The following COL11A2 variants were observed in gnomAD, a reference collection of about 807,000 sequenced individuals.
The protein encoded by COL11A2 is collagen type XI alpha 2 chain.
In COL11A2, 116 loss-of-function variants were observed where a neutral mutation model predicts 273.4. The observed-to-expected ratio is 0.42, with a 90% CI of 0.36 to 0.49. The LOEUF (loss-of-function observed/expected upper bound fraction) is 0.49. Among genes scored for constraint, COL11A2 ranks in the 20% least tolerant of loss-of-function variants. COL11A2 has a pLI of 0.00. For missense variants in COL11A2, 1,866 were observed against 2,309.0 expected, an observed-to-expected ratio of 0.81 and a Z score of 3.93; for synonymous variants, 782 against 864.2, an observed-to-expected ratio of 0.90 and a Z score of 1.67.
In COL11A2 at chr6:33,164,284, A is replaced by G; in HGVS notation, c.5053T>C (p.Phe1685Leu). The stretch of plus-strand genomic sequence containing the variant: ...GTTCCCACCTGGCAGCCATCTCTGA[A>G]TTCTTTGACATAGGGGCTAGTCTCC... ...SPETSPYVKE[F>L]RDGCQTQQGR... is the part of the protein sequence containing the mutation. Residue 1685 changes from phenylalanine (F) to leucine (L), a missense_variant, in exon 65 of 66, where the codon TTC (phenylalanine) becomes CTC (leucine). By Grantham distance (22) the Phe-to-Leu change is conservative (BLOSUM62 0). Coordinates refer to ENST00000341947, the MANE Select transcript of COL11A2 (RefSeq NM_080680.3). The surrounding 1 kb of genome is among the most constrained non-coding windows in gnomAD (Gnocchi z 4.7). 6.2e-7 allele frequency: 1 copy of G among 1,612,860 alleles called. No homozygotes were observed. The highest frequency in any genetic ancestry group is 1.1e-5 in the South Asian group (1 of 91,070).
In COL11A2 at chr6:33,181,866, G is replaced by A. The variant is rs9500938; in HGVS notation, c.1120-696C>T. Among the ~76,000 whole-genome samples, 1,103 of 152,230 alleles carry A rather than the reference G, an allele frequency of 7.2e-3. 13 individuals carry two copies. Among genetic ancestry groups the A allele is most frequent in the African/African-American group, 0.024 (1,013 of 41,522 alleles). ...TCCCATCTCCCAAACTCCCTCCCTA[G>A]AACCTTAAGAAACCTTCCACACATT... On this transcript the variant is annotated intron_variant, in intron 8 of 65. Coordinates refer to ENST00000341947, the MANE Select transcript of COL11A2 (RefSeq NM_080680.3).
intron 8 of COL11A2, among the ~76,000 whole-genome samples, chr6:33,181,647 G>A (rs1193770232): frequency 3.3e-5 from 5 of 151,938 alleles, no homozygotes; most frequent in South Asian, 2.1e-4. Flanking sequence ...CACCATGCCC[G>A]GCTAATTTTT....
At position 33,184,600 on chromosome 6, in the gene COL11A2, C is replaced by T. The variant is rs368604560; in HGVS notation, c.940-276G>A. ...GCCAGAGGACTGGATGCAGAGTGGA[C>T]AGTCCATGGACACAATGACAGACAA... On this transcript the variant is annotated intron_variant, in intron 7 of 65. Transcript: ENST00000341947. Among the ~76,000 whole-genome samples, 150 of 152,248 alleles carry T rather than the reference C, an allele frequency of 9.9e-4. No individual in the cohort carries two copies. In the South Asian group the frequency reaches 0.026, roughly 26 times the overall value.
chr6:33,178,249 T>G lies in COL11A2; in HGVS notation c.1818+59A>C, dbSNP rs1771195565. ...TAAAACTGTGTCCCTTTAGTGCTCATGTCCCCCTCCTGGCTTCCCCAGAGC... is the reference window on the plus strand; with the variant it reads ...TAAAACTGTGTCCCTTTAGTGCTCAGGTCCCCCTCCTGGCTTCCCCAGAGC... On this transcript the variant is annotated intron_variant, in intron 20 of 65. Coordinates refer to ENST00000341947, the MANE Select transcript of COL11A2 (RefSeq NM_080680.3). This position sits in a 1 kb window ranked among gnomAD's most constrained non-coding sequence, Gnocchi z 4.6. 6.2e-7 allele frequency: 1 copy of G among 1,612,704 alleles called. No homozygotes were observed. Among genetic ancestry groups the G allele is most frequent in the Admixed American group, 1.7e-5 (1 of 59,982 alleles).
rs1773197010 is a variant in COL11A2, at chr6:33,192,162, C to G, written c.79G>C (p.Ala27Pro). The G allele has an allele frequency of 1.3e-6, 2 of 1,557,024 alleles. No individual in the cohort carries two copies. Among genetic ancestry groups the G allele is most frequent in the Non-Finnish European group, 1.7e-6 (2 of 1,150,128 alleles). Residue 27 changes from alanine (A) to proline (P), a missense_variant, in exon 1 of 66, where the codon GCA (alanine) becomes CCA (proline). Transcript: ENST00000341947. ...VLGLSAAPGW[A>P]GAPPVDVLRA... ...CAGGCATCAGGACTCCTCTTACCTG[C>G]CCAGCCTGGGGCCGCGCTCAGCCCC...
chr6:33,170,219 A>G lies in COL11A2; in HGVS notation c.3582+107T>C, dbSNP rs1769831825. 3 of 1,572,162 alleles carry G rather than the reference A, an allele frequency of 1.9e-6. No homozygotes were observed. The highest frequency in any genetic ancestry group is 2.6e-6 in the Non-Finnish European group (3 of 1,145,070). On this transcript the variant is annotated intron_variant, in intron 48 of 65. Coordinates refer to ENST00000341947, the MANE Select transcript of COL11A2 (RefSeq NM_080680.3). This position sits in a 1 kb window ranked among gnomAD's most constrained non-coding sequence, Gnocchi z 4.3. ...GAGGCAGTGGAGGCCTCCCGGGAGT[A>G]AGGGCTTCTCTTGGCCCCTGAGACG...
chr6:33,180,068 G>A (rs1021106373), intron 12 of COL11A2, among the ~76,000 whole-genome samples, 190 bp downstream of exon 12: 2 of 152,166 alleles, frequency 1.3e-5, no homozygotes, highest in African/African-American at 4.8e-5. Flanking sequence ...CTAGAAGACT[G>A]GTGTTTTGTT....
Position 33,178,686 on chromosome 6 carries a change from C to A in COL11A2, c.1712G>T (p.Gly571Val). 1 of 1,612,914 alleles carries A rather than the reference C, an allele frequency of 6.2e-7. No individual in the cohort carries two copies. Among genetic ancestry groups the A allele is most frequent in the Non-Finnish European group, 8.5e-7 (1 of 1,179,946 alleles). Residue 571 changes from glycine (G) to valine (V), a missense_variant, in exon 18 of 66, where the codon GGC (glycine) becomes GTC (valine). Gly to Val is a moderately radical substitution (Grantham distance 109, BLOSUM62 -3). Transcript: ENST00000341947. The surrounding 1 kb of genome is among the most constrained non-coding windows in gnomAD (Gnocchi z 4.6). ...DGLPGLPGEKGHRGDTGAQGL... is the reference protein window; with the variant it reads ...DGLPGLPGEKVHRGDTGAQGL... ...ACCCACTAATGTACTCACCCTATGG[C>A]CCTTCTCTCCAGGGAGCCCTGGGAG... is the stretch of plus-strand genomic sequence containing the variant.
Position 33,169,946 on chromosome 6 carries a change from C to T in COL11A2, c.3637-62G>A. 2 of 1,612,968 alleles carry T rather than the reference C, an allele frequency of 1.2e-6. No individual in the cohort carries two copies. The highest frequency in any genetic ancestry group is 1.7e-6 in the Non-Finnish European group (2 of 1,179,044). On this transcript the variant is annotated intron_variant, in intron 49 of 65. Transcript: ENST00000341947. The surrounding 1 kb of genome is among the most constrained non-coding windows in gnomAD (Gnocchi z 5.5). The stretch of plus-strand genomic sequence containing the variant: ...CCCCAGCCAAAAAATTCTGATATTC[C>T]CCACATCTCATTCTCTTTTGTCTCC...
At chr6:33,183,906 T>A (rs539831803) in intron 8 of COL11A2, among the ~76,000 whole-genome samples, 4 of 150,464 alleles carry the variant, frequency 2.7e-5, no homozygotes, top group South Asian at 4.2e-4. Context: ...TTTTTTTTTT[T>A]AATTCCCAAT....
chr6:33,188,438 C>CG lies in COL11A2; in HGVS notation c.529dup (p.Arg177ProfsTer22). On this transcript the variant is annotated frameshift_variant, in exon 4 of 66. Coordinates refer to ENST00000341947, the MANE Select transcript of COL11A2 (RefSeq NM_080680.3). LOFTEE classifies it high-confidence loss of function. ...GGTGTCCAATACTGGACGAGCACTTCGGGGGAGAGGCCGGGTGACTCGCTT... is the reference window on the plus strand; with the variant it reads ...GGTGTCCAATACTGGACGAGCACTTCGGGGGGAGAGGCCGGGTGACTCGCTT... 6.2e-7 allele frequency: 1 copy of CG among 1,612,982 alleles called. No homozygotes were observed. The highest frequency in any genetic ancestry group is 8.5e-7 in the Non-Finnish European group (1 of 1,180,010).
Position 33,163,847 on chromosome 6 carries a change from G to A in COL11A2, c.5071-29C>T, listed in dbSNP as rs375929526. On this transcript the variant is annotated intron_variant, in intron 65 of 65. Coordinates refer to ENST00000341947, the MANE Select transcript of COL11A2 (RefSeq NM_080680.3). The surrounding 1 kb of genome is among the most constrained non-coding windows in gnomAD (Gnocchi z 4.1). ...CAGGGGGAGACAAGGAAGAAAGTGT[G>A]AGCAGGATGGAGGCACCCCCCACCC... The A allele has an allele frequency of 3.5e-5, 57 of 1,612,862 alleles. No individual in the cohort carries two copies. The African/African-American group carries it at 6.3e-4, about 18-fold the overall frequency.
At position 33,177,608 on chromosome 6, in the gene COL11A2, G is replaced by A; in HGVS notation, c.1917+54C>T. On this transcript the variant is annotated intron_variant, in intron 22 of 65. Transcript: ENST00000341947. The surrounding 1 kb of genome is among the most constrained non-coding windows in gnomAD (Gnocchi z 5.9). ...TCAAAATGGCGGCCAACAGGATGCT[G>A]GCAGGGACCTCGGGGGATAAGAATG... 6.2e-7 allele frequency: 1 copy of A among 1,607,428 alleles called. No individual in the cohort carries two copies. The highest frequency in any genetic ancestry group is 1.3e-5 in the African/African-American group (1 of 74,940).
At position 33,169,879 on chromosome 6, in the gene COL11A2, T is replaced by C. The variant is rs1478343470; in HGVS notation, c.3642A>G (p.Glu1214=). ...TCCCTGGAGATCCTGACTCTCCTGGTTCCCCCTGCAAAGAGATTAGAGTCA... is the reference window on the plus strand; with the variant it reads ...TCCCTGGAGATCCTGACTCTCCTGGCTCCCCCTGCAAAGAGATTAGAGTCA... ...GNLGPPGEKG[E]PGESGSPGIQ... Residue 1214 remains glutamate, a synonymous_variant, in exon 50 of 66, where the codon GAA becomes GAG. Coordinates refer to ENST00000341947, the MANE Select transcript of COL11A2 (RefSeq NM_080680.3). The surrounding 1 kb of genome is among the most constrained non-coding windows in gnomAD (Gnocchi z 5.5). 7 of 1,613,858 alleles carry C rather than the reference T, an allele frequency of 4.3e-6. No homozygotes were observed. The Admixed American group carries it at 6.7e-5, about 15-fold the overall frequency.
Position 33,177,447 on chromosome 6 carries a change from C to T in COL11A2, c.1936G>A (p.Gly646Arg), listed in dbSNP as rs1383709560. The T allele has an allele frequency of 1.1e-5, 18 of 1,612,978 alleles. No individual in the cohort carries two copies. The highest frequency in any genetic ancestry group is 1.5e-5 in the Non-Finnish European group (18 of 1,179,984). ...GGGGTGCCCTGTTGTCCAGGAGGTC[C>T]TGGCTCTCCCTGGGGTCCCTAGAAA... ...KGSLGPQGEP[G>R]PPGQQGTPGT... The change falls in exon 23 of 66, where the codon GGA becomes AGA. Residue 646 changes from glycine to arginine, a missense_variant. Coordinates refer to ENST00000341947, the MANE Select transcript of COL11A2 (RefSeq NM_080680.3). This position sits in a 1 kb window ranked among gnomAD's most constrained non-coding sequence, Gnocchi z 5.9.
Position 33,167,423 on chromosome 6 carries a change from C to T in COL11A2, c.4122+3G>A. 1.2e-6 allele frequency: 2 copies of T among 1,610,590 alleles called. No homozygotes were observed. Among genetic ancestry groups the T allele is most frequent in the Non-Finnish European group, 1.7e-6 (2 of 1,178,088 alleles). The stretch of plus-strand genomic sequence containing the variant: ...AGCCCAGCCCTTCCCTGCAGTGACT[C>T]ACCACTGAGCCTGGGAGCCCCCTCA... On this transcript the variant is annotated splice_donor_region_variant and intron_variant, in intron 56 of 65. Coordinates refer to ENST00000341947, the MANE Select transcript of COL11A2 (RefSeq NM_080680.3). The surrounding 1 kb of genome is among the most constrained non-coding windows in gnomAD (Gnocchi z 6.1).
In COL11A2 at chr6:33,180,969, G is replaced by T. The variant is rs1358090460; in HGVS notation, c.1216C>A (p.Pro406Thr). ...LVEGPPGPEGPAGLIGPPGIQ... is the reference protein window; with the variant it reads ...LVEGPPGPEGTAGLIGPPGIQ... Reference sequence around the variant, plus strand: ...CAGGTCACTGCTAGACTTACCGCAGGGCCTTCTGGGCCAGGGGGCCCCTCC... The same window carrying T: ...CAGGTCACTGCTAGACTTACCGCAGTGCCTTCTGGGCCAGGGGGCCCCTCC... Residue 406 changes from proline to threonine, a missense_variant, in exon 10 of 66, where the codon CCT becomes ACT. Pro to Thr is a conservative substitution (Grantham distance 38). Transcript: ENST00000341947. 1.2e-6 allele frequency: 2 copies of T among 1,613,950 alleles called. No homozygotes were observed. Among genetic ancestry groups the T allele is most frequent in the African/African-American group, 1.3e-5 (1 of 75,008 alleles).
chr6:33,166,953 C>T lies in COL11A2; in HGVS notation c.4230+117G>A. On this transcript the variant is annotated intron_variant, in intron 58 of 65. Transcript: ENST00000341947. This position sits in a 1 kb window ranked among gnomAD's most constrained non-coding sequence, Gnocchi z 4.8. ...GTGAGTGGCCCTCACTGAGCAGGGA[C>T]TCCCTGGGACTGGCTGCCGGAGGCC... is the stretch of plus-strand genomic sequence containing the variant. 6.5e-6 allele frequency: 10 copies of T among 1,527,072 alleles called. No individual in the cohort carries two copies. The highest frequency in any genetic ancestry group is 2.3e-5 in the East Asian group (1 of 42,766). 94.6% of individuals were successfully genotyped at this position (1,527,072 alleles called of 1,614,324 possible). A position where few individuals can be genotyped will look rare whatever the true frequency, so the allele number is the denominator to read the frequency against.
intron 6 of COL11A2, 91 bp downstream of exon 6, chr6:33,185,610 C>T (rs766808791): frequency 1.1e-5 from 6 of 547,250 alleles, no homozygotes; most frequent in South Asian, 2.8e-5. Context: ...CCTCTCCCCA[C>T]GGCATGGGGG....
Sources: gnomAD v4.1 joint callset for allele counts (sites outside exome capture counted in the v4.1 genomes callset) on GRCh38, gnomAD v4.1.1 for gene constraint, Gnocchi (gnomAD v3.1) non-coding constraint, MANE v1.5 for transcripts, NCBI Gene and HGNC (gene_info 2026-07-23, HGNC 2026-07-21) for gene names.